BCLAF1: variants seen among roughly 807,000 people sequenced by gnomAD.
BCLAF1 encodes bcl-2-associated transcription factor 1.
Under a neutral mutation model 99.5 loss-of-function variants are expected in BCLAF1, and 10 were observed. The observed-to-expected ratio is 0.10, with a 90% CI of 0.06 to 0.17. The LOEUF (loss-of-function observed/expected upper bound fraction) is 0.17. BCLAF1 is among the 10% of genes least tolerant of loss of function. BCLAF1 has a pLI of 1.00. For synonymous variants in BCLAF1, 255 were observed against 370.9 expected (o/e 0.69, Z 3.59); for missense variants, 636 against 1,105.8 (o/e 0.58, Z 6.02).
intron 9 of BCLAF1, chr6:136,268,702 A>C: frequency 4.9e-6 from 1 of 205,584 alleles, no homozygotes; most frequent in Non-Finnish European, 1.0e-5. Context: ...TTTCAAAATG[A>C]CTGCAGTTTG....
rs749325252 is a variant in BCLAF1 at position 136,273,165 on chromosome 6, T to C, written c.1875A>G (p.Ala625=). 1.5e-5 allele frequency: 24 copies of C among 1,612,078 alleles called. No individual in the cohort carries two copies. The highest frequency in any genetic ancestry group is 1.3e-4 in the East Asian group (6 of 44,840). The stretch of plus-strand genomic sequence containing the variant: ...AAGTGAACCGCTCGTTTAGGGTCAT[T>C]GCAGCTGACTTGAAGTATTGCTCTG... ...HVKEQYFKSA[A]MTLNERFTSY... Residue 625 remains alanine (A), a synonymous_variant, in exon 7 of 13, where the codon GCA becomes GCG. Transcript: ENST00000531224.
At chr6:136,267,680 C>A (rs1020602409) in intron 10 of BCLAF1, among the ~76,000 whole-genome samples, 1 of 151,716 alleles carries the variant, frequency 6.6e-6, no homozygotes, top group African/African-American at 2.4e-5. Context: ...ATAATTATAA[C>A]GACTTACAGA....
chr6:136,262,053 G>A (rs747243878), intron 11 of BCLAF1, among the ~76,000 whole-genome samples: 33 of 151,956 alleles, frequency 2.2e-4, no homozygotes, highest in Non-Finnish European at 4.0e-4. Context: ...ATCATGACAC[G>A]GTCCCTAGAA....
intron 6 of BCLAF1, among the ~76,000 whole-genome samples, chr6:136,274,636 G>C (rs536476737): frequency 4.3e-4 from 66 of 152,026 alleles, no homozygotes; most frequent in African/African-American, 1.5e-3. Context: ...CATGTCAAAC[G>C]ACAGATTTTT....
In BCLAF1 at chr6:136,267,833, G is replaced by GT. The variant is rs371755195; in HGVS notation, c.2397+328dup. Among the ~76,000 whole-genome samples, 193 of 152,020 alleles carry GT rather than the reference G, an allele frequency of 1.3e-3. 1 individual carries two copies. Among genetic ancestry groups the GT allele is most frequent in the African/African-American group, 4.3e-3 (177 of 41,522 alleles). On this transcript the variant is annotated intron_variant, in intron 10 of 12. Transcript: ENST00000531224. ...GAACATACAGGGGTTTTATTAAGGCGTTAAGGTACCTTTTCAAAAACTAAG... is the reference window on the plus strand; with the variant it reads ...GAACATACAGGGGTTTTATTAAGGCGTTTAAGGTACCTTTTCAAAAACTAAG...
intron 11 of BCLAF1, 135 bp from the exon 12 acceptor site, chr6:136,261,612 C>G: frequency 1.1e-6 from 1 of 911,192 alleles, no homozygotes; most frequent in South Asian, 1.8e-5. Context: ...CACAATAAAA[C>G]AAAACCAGTA....
intron 8 of BCLAF1, 151 bp from the exon 9 acceptor site, chr6:136,269,763 T>C: frequency 1.9e-6 from 1 of 523,820 alleles, no homozygotes; most frequent in Non-Finnish European, 3.0e-6. Flanking sequence ...TCACTTAGTT[T>C]TTGTTAAAAA....
intron 7 of BCLAF1, among the ~76,000 whole-genome samples, chr6:136,272,440 T>C (rs929536467): frequency 6.6e-6 from 1 of 151,924 alleles, no homozygotes; most frequent in Non-Finnish European, 1.5e-5. Context: ...TTTTAGATAT[T>C]CAGTGCCCCT....
chr6:136,279,955 T>C (rs868790560), intron 2 of BCLAF1, 79 bp from the exon 3 acceptor site: 1 of 1,291,602 alleles, frequency 7.7e-7, no homozygotes, highest in Non-Finnish European at 9.9e-7. Context: ...TATTTTCAGA[T>C]AAAATTTGAT....
intron 7 of BCLAF1, 107 bp downstream of exon 7, chr6:136,272,975 A>G (rs1782741222): frequency 1.4e-6 from 1 of 695,822 alleles, no homozygotes; most frequent in African/African-American, 1.8e-5. Context: ...TAAATGAGGA[A>G]TAATACTTGT....
At position 136,256,776 on chromosome 6, in the gene BCLAF1, G is replaced by GT. The variant is rs1780506185; in HGVS notation, c.*4333dup. 6.5e-6 allele frequency: 1 copy of GT among 152,768 alleles called. No homozygotes were observed. 9.5% of individuals were successfully genotyped at this position (152,768 alleles called of 1,614,324 possible). On this transcript the variant is annotated 3_prime_UTR_variant, in exon 13 of 13. Coordinates refer to ENST00000531224, the MANE Select transcript of BCLAF1 (RefSeq NM_014739.3). Reference sequence around the variant, plus strand: ...AAGTATCCTGAGAACTCAACAGAAAGTTTAGTTTTCCCTTCTAGTACAAAT... The same window carrying GT: ...AAGTATCCTGAGAACTCAACAGAAAGTTTTAGTTTTCCCTTCTAGTACAAAT...
intron 8 of BCLAF1, 49 bp from the exon 9 acceptor site, chr6:136,269,661 A>AAT: frequency 7.0e-7 from 1 of 1,420,706 alleles, no homozygotes; most frequent in Non-Finnish European, 9.4e-7. Flanking sequence ...AAATAGAAAA[A>AAT]ATATATATAC....
Position 136,277,962 on chromosome 6 carries a change from G to T in BCLAF1, c.919C>A (p.Pro307Thr). Residue 307 changes from proline (P) to threonine (T), a missense_variant, in exon 4 of 13, where the codon CCA (proline) becomes ACA (threonine). Coordinates refer to ENST00000531224, the MANE Select transcript of BCLAF1 (RefSeq NM_014739.3). ...GACTCATCTCTTGGAGCATTCTGTG[G>T]TGCGATTGTCTTTGCAGGACTTCTT... ...SRRSPAKTIA[P>T]QNAPRDESRG... 6.2e-7 allele frequency: 1 copy of T among 1,607,130 alleles called. No individual in the cohort carries two copies.
chr6:136,274,989 C>T (rs184332608), intron 6 of BCLAF1, among the ~76,000 whole-genome samples: 8 of 151,968 alleles, frequency 5.3e-5, no homozygotes, highest in Admixed American at 5.3e-4. Context: ...GAACGTTTTT[C>T]CTTTAAAAAT....
At chr6:136,280,585 A>C (rs1271345400) in intron 2 of BCLAF1, among the ~76,000 whole-genome samples, 2 of 152,208 alleles carry the variant, frequency 1.3e-5, no homozygotes, top group Non-Finnish European at 2.9e-5. Context: ...TTACTTCAAG[A>C]AAGATTTATT....
At chr6:136,278,994 A>AACACACACACACACACAC (rs71006795) in intron 3 of BCLAF1, among the ~76,000 whole-genome samples, 22 of 145,406 alleles carry the variant, frequency 1.5e-4, no homozygotes, top group African/African-American at 4.1e-4. Flanking sequence ...GAAGGCACAA[A>AACACACACACACACACAC]ACACACACAC....
At position 136,278,700 on chromosome 6, in the gene BCLAF1, A is replaced by G. The variant is rs1368768723; in HGVS notation, c.181T>C (p.Tyr61His). 6.2e-7 allele frequency: 1 copy of G among 1,612,746 alleles called. No individual in the cohort carries two copies. The change falls in exon 4 of 13, where the codon TAC (tyrosine) becomes CAC (histidine). Residue 61 changes from tyrosine to histidine, a missense_variant. Around this residue, in one of 9 missense-constraint regions of BCLAF1, gnomAD observed 81 missense variants for 132.5 expected, o/e 0.61. Coordinates refer to ENST00000531224, the MANE Select transcript of BCLAF1 (RefSeq NM_014739.3). ...RMYSRDYRRD[Y>H]RNNRGMRRPY... ...CGTCTCATTCCTCTATTATTTCTGT[A>G]ATCGCGACGATAATCTCTAGAATAC...
chr6:136,260,942 A>C lies in BCLAF1; in HGVS notation c.*168T>G. On this transcript the variant is annotated 3_prime_UTR_variant, in exon 13 of 13. Transcript: ENST00000531224. ...TATTTCAGTACAATTTTCAACATAC[A>C]GTCTACTATTTCTCAAGATATTTGA... 2 of 627,142 alleles carry C rather than the reference A, an allele frequency of 3.2e-6. No individual in the cohort carries two copies. Among genetic ancestry groups the C allele is most frequent in the Non-Finnish European group, 5.3e-6 (2 of 378,980 alleles). The allele number at this position is 627,142 out of a possible 1,614,324, so 38.8% of individuals were successfully genotyped here. A position where few individuals can be genotyped will look rare whatever the true frequency, so the allele number is the denominator to read the frequency against.
chr6:136,271,661 C>G (rs1368997956), intron 8 of BCLAF1, among the ~76,000 whole-genome samples: 1 of 151,898 alleles, frequency 6.6e-6, no homozygotes, highest in Non-Finnish European at 1.5e-5. Context: ...AATATTTACT[C>G]TGGCTAATGA....
Sources: gnomAD v4.1 joint callset for allele counts (sites outside exome capture counted in the v4.1 genomes callset) on GRCh38, gnomAD v4.1.1 for gene constraint, gnomAD v4.1.1 regional missense constraint, MANE v1.5 for transcripts, NCBI Gene and HGNC (gene_info 2026-07-23, HGNC 2026-07-21) for gene names.